Variants in SLC44A5 observed in about 807,000 individuals in gnomAD.
SLC44A5 encodes choline transporter-like protein 5.
Under a neutral mutation model 101.8 loss-of-function variants are expected in SLC44A5, and 57 were observed. That is an observed-to-expected ratio of 0.56 (90% CI 0.45 to 0.70). The LOEUF (loss-of-function observed/expected upper bound fraction) is 0.70. Among genes scored for constraint, SLC44A5 ranks in the 30% least tolerant of loss-of-function variants. The probability of loss-of-function intolerance (pLI) is 0.00; values close to 1 mark genes in which losing one functional copy is unlikely to be tolerated. For synonymous variants in SLC44A5, 281 were observed against 290.9 expected (o/e 0.97, Z 0.35); for missense variants, 737 against 853.1 (o/e 0.86, Z 1.70).
chr1:75,470,559 C>G (rs1022908183), intron 2 of SLC44A5, among the ~76,000 whole-genome samples: 4 of 152,112 alleles, frequency 2.6e-5, no homozygotes, highest in African/African-American at 9.7e-5. Context: ...ATAATGGAAG[C>G]ACGCAGGAGG....
the SLC44A5 span, among the ~76,000 whole-genome samples, chr1:75,675,253 G>A: frequency 1.6e-4 from 25 of 152,292 alleles, no homozygotes; most frequent in Non-Finnish European, 1.8e-4. Flanking sequence ...AGTATGGAAT[G>A]TTTTTTCATT....
intron 7 of SLC44A5, among the ~76,000 whole-genome samples, chr1:75,249,720 G>C (rs1649402486): frequency 6.6e-6 from 1 of 152,186 alleles, no homozygotes; most frequent in African/African-American, 2.4e-5. Flanking sequence ...TTGATAAAGA[G>C]AACTATACAT....
intron 7 of SLC44A5, 146 bp from the exon 8 acceptor site, chr1:75,243,157 C>G: frequency 9.6e-7 from 1 of 1,038,350 alleles, no homozygotes; most frequent in South Asian, 2.1e-5. Context: ...TCCTTGCTCT[C>G]TCTCTTTTTC....
At chr1:75,652,587 G>T in the SLC44A5 span, among the ~76,000 whole-genome samples, 2 of 152,142 alleles carry the variant, frequency 1.3e-5, no homozygotes. Flanking sequence ...TTGAGACCAG[G>T]AGTTCAAGAT....
intron 5 of SLC44A5, among the ~76,000 whole-genome samples, chr1:75,285,030 G>C (rs892485423): frequency 6.6e-6 from 1 of 151,976 alleles, no homozygotes; most frequent in African/African-American, 2.4e-5. Flanking sequence ...TTCATAAAAC[G>C]ATTTAGAAGG....
intron 2 of SLC44A5, among the ~76,000 whole-genome samples, chr1:75,504,008 ATT>A (rs887015398): frequency 6.6e-6 from 1 of 151,746 alleles, no homozygotes; most frequent in South Asian, 2.1e-4. Context: ...CAGTGAGGGG[ATT>A]TTTTTTACTA....
At chr1:75,451,720 TGA>T (rs1180855546) in intron 2 of SLC44A5, among the ~76,000 whole-genome samples, 5 of 152,044 alleles carry the variant, frequency 3.3e-5, no homozygotes, top group Non-Finnish European at 7.4e-5. Flanking sequence ...AAAACTATAT[TGA>T]GAGACTAGAC....
the SLC44A5 span, among the ~76,000 whole-genome samples, chr1:75,640,920 T>A: frequency 6.6e-6 from 1 of 151,968 alleles, no homozygotes. Context: ...TATTAATAAA[T>A]AAAAAAGTCC....
At chr1:75,435,864 C>T (rs535992210) in intron 2 of SLC44A5, among the ~76,000 whole-genome samples, 1 of 152,210 alleles carries the variant, frequency 6.6e-6, no homozygotes, top group East Asian at 1.9e-4. Context: ...CACCACCACA[C>T]ACACATACAC....
intron 4 of SLC44A5, among the ~76,000 whole-genome samples, chr1:75,322,589 A>T (rs1413257969): frequency 6.6e-6 from 1 of 152,126 alleles, no homozygotes; most frequent in Non-Finnish European, 1.5e-5. Flanking sequence ...GACATTAGAC[A>T]TTTGACATAA....
chr1:75,350,893 C>CAAAAAAA (rs11292382), intron 3 of SLC44A5, among the ~76,000 whole-genome samples: 4 of 79,896 alleles, frequency 5.0e-5, no homozygotes, highest in Non-Finnish European at 8.2e-5. Context: ...GACTCCATCT[C>CAAAAAAA]AAAAAAAAAA....
the SLC44A5 span, among the ~76,000 whole-genome samples, chr1:75,702,499 A>C: frequency 6.6e-6 from 1 of 152,178 alleles, no homozygotes; most frequent in Non-Finnish European, 1.5e-5. Flanking sequence ...ACCTTATACA[A>C]AAATTAATTC....
the SLC44A5 span, among the ~76,000 whole-genome samples, chr1:75,706,103 T>C: frequency 6.6e-6 from 1 of 152,242 alleles, no homozygotes; most frequent in Admixed American, 6.5e-5. Context: ...TTAAAAATCT[T>C]TCTGAGCTAA....
intron 3 of SLC44A5, among the ~76,000 whole-genome samples, chr1:75,361,126 A>G (rs1013900188): frequency 6.6e-6 from 1 of 152,026 alleles, no homozygotes; most frequent in Non-Finnish European, 1.5e-5. Context: ...TTGTGTATAG[A>G]GGTGCTAATG....
At chr1:75,478,578 CA>C (rs1374698351) in intron 2 of SLC44A5, among the ~76,000 whole-genome samples, 1 of 151,102 alleles carries the variant, frequency 6.6e-6, no homozygotes, top group African/African-American at 2.4e-5. Context: ...AAATGGAAAA[CA>C]AAAAAAGGCA....
At chr1:75,369,808 T>C (rs1254204542) in intron 3 of SLC44A5, among the ~76,000 whole-genome samples, 1 of 152,134 alleles carries the variant, frequency 6.6e-6, no homozygotes, top group Admixed American at 6.5e-5. Context: ...AAAGAAAAAG[T>C]AAAACTTCAC....
chr1:75,259,311 T>C (rs1377803450), intron 6 of SLC44A5, among the ~76,000 whole-genome samples: 1 of 152,116 alleles, frequency 6.6e-6, no homozygotes, highest in East Asian at 1.9e-4. Context: ...CTAACTTTAA[T>C]AACCAGTATA....
chr1:75,618,375 C>CCA, the SLC44A5 span, among the ~76,000 whole-genome samples: 1 of 152,314 alleles, frequency 6.6e-6, no homozygotes, highest in South Asian at 2.1e-4. Flanking sequence ...GACCAAAAGA[C>CCA]ATTAAGGCCA....
intron 1 of SLC44A5, among the ~76,000 whole-genome samples, chr1:75,607,166 C>A (rs940205152): frequency 5.9e-5 from 9 of 152,032 alleles, no homozygotes; most frequent in African/African-American, 2.2e-4. Flanking sequence ...TGATCCTTCC[C>A]CATAAACTTG....
Sources: gnomAD v4.1 joint callset for allele counts (sites outside exome capture counted in the v4.1 genomes callset) on GRCh38, gnomAD v4.1.1 for gene constraint, MANE v1.5 for transcripts, NCBI Gene and HGNC (gene_info 2026-07-23, HGNC 2026-07-21) for gene names.